Variants in TUSC3 observed in about 807,000 individuals in gnomAD.
The protein encoded by TUSC3 is tumor suppressor candidate 3.
Under a neutral mutation model 44.8 loss-of-function variants are expected in TUSC3, and 45 were observed. The ratio of observed to expected loss-of-function variants is 1.00; its 90% CI spans 0.79 to 1.29. TUSC3 has a LOEUF of 1.29. TUSC3 is among the 50% of genes most tolerant of loss of function. The probability of loss-of-function intolerance (pLI) is 0.00; values close to 1 mark genes in which losing one functional copy is unlikely to be tolerated. For missense variants in TUSC3, 519 were observed against 437.9 expected (o/e 1.19, Z -1.65); for synonymous variants, 212 against 152.9 (o/e 1.39, Z -2.85).
chr8:15,834,987 C>A, the TUSC3 span, among the ~76,000 whole-genome samples: 11 of 152,200 alleles, frequency 7.2e-5, no homozygotes, highest in Non-Finnish European at 1.6e-4. Context: ...GTCATGTAAC[C>A]AATCCCCCAA....
chr8:15,433,686 G>T (rs1230667575), intron 1 of TUSC3, among the ~76,000 whole-genome samples: 4 of 152,052 alleles, frequency 2.6e-5, no homozygotes, highest in Non-Finnish European at 5.9e-5. Flanking sequence ...TTAACTAAAT[G>T]GAGCCATACA....
chr8:15,793,032 C>G, the TUSC3 span, among the ~76,000 whole-genome samples: 4 of 152,094 alleles, frequency 2.6e-5, no homozygotes, highest in African/African-American at 7.2e-5. Context: ...AGATGTTTCT[C>G]TTCTCCCAAC....
chr8:15,618,551 A>G (rs901425221), intron 1 of TUSC3, among the ~76,000 whole-genome samples: 14 of 152,148 alleles, frequency 9.2e-5, no homozygotes, highest in Admixed American at 8.5e-4. Context: ...TTCAGGTGCA[A>G]TAACAGTTAT....
chr8:15,462,859 G>C (rs1462128667), intron 1 of TUSC3, among the ~76,000 whole-genome samples: 1 of 152,032 alleles, frequency 6.6e-6, no homozygotes, highest in Non-Finnish European at 1.5e-5. Context: ...CCCTTGGCCA[G>C]AGAAGCCAAG....
chr8:15,610,315 A>T (rs778912244), intron 1 of TUSC3, among the ~76,000 whole-genome samples: 4 of 152,150 alleles, frequency 2.6e-5, no homozygotes, highest in Non-Finnish European at 4.4e-5. Context: ...GATAAAATTA[A>T]GGTATAGCAA....
At chr8:15,425,441 G>A (rs771685220) in intron 1 of TUSC3, among the ~76,000 whole-genome samples, 8 of 152,186 alleles carry the variant, frequency 5.3e-5, no homozygotes, top group Non-Finnish European at 5.9e-5. Flanking sequence ...ATTAAGGGAA[G>A]ACTTCTGGAC....
intron 2 of TUSC3, among the ~76,000 whole-genome samples, chr8:15,509,416 C>G (rs1801102652): frequency 6.6e-6 from 1 of 152,138 alleles, no homozygotes; most frequent in Non-Finnish European, 1.5e-5. Flanking sequence ...CGAAACCAGC[C>G]TGGCCAACAT....
chr8:15,454,085 C>T (rs914775651), intron 1 of TUSC3, among the ~76,000 whole-genome samples: 1 of 152,154 alleles, frequency 6.6e-6, no homozygotes. Flanking sequence ...ATGCTCCCCT[C>T]CCAAGTGCTG....
chr8:15,788,421 C>G, the TUSC3 span, among the ~76,000 whole-genome samples: 2 of 151,964 alleles, frequency 1.3e-5, no homozygotes, highest in African/African-American at 4.8e-5. Context: ...GTGGCAGGCA[C>G]CTGTGATCGC....
chr8:15,740,961 T>G (rs953442375), intron 7 of TUSC3, among the ~76,000 whole-genome samples: 13 of 152,192 alleles, frequency 8.5e-5, no homozygotes, highest in African/African-American at 3.1e-4. Flanking sequence ...TTGTTTGAAT[T>G]TAAGCAATTC....
At chr8:15,426,337 A>G (rs73189456) in intron 1 of TUSC3, among the ~76,000 whole-genome samples, 19,300 of 152,248 alleles carry the variant, frequency 0.13, 1,295 homozygotes, top group Middle Eastern at 0.21. Context: ...TACGTTAGAC[A>G]GCTGATTTCT....
At chr8:15,555,738 A>C (rs1165890433) in intron 1 of TUSC3, among the ~76,000 whole-genome samples, 1 of 151,676 alleles carries the variant, frequency 6.6e-6, no homozygotes, top group Non-Finnish European at 1.5e-5. Flanking sequence ...GGAATATTGC[A>C]TGTATCTAAA....
At chr8:15,682,266 C>T (rs1205101181) in intron 6 of TUSC3, among the ~76,000 whole-genome samples, 2 of 152,216 alleles carry the variant, frequency 1.3e-5, no homozygotes, top group East Asian at 1.9e-4. Flanking sequence ...CTCGACATTC[C>T]CCACTATTAT....
intron 1 of TUSC3, among the ~76,000 whole-genome samples, chr8:15,565,767 G>C (rs1487646311): frequency 6.6e-6 from 1 of 152,064 alleles, no homozygotes; most frequent in Non-Finnish European, 1.5e-5. Flanking sequence ...ACTAGGTTGA[G>C]AATGTAAAGA....
intron 5 of TUSC3, among the ~76,000 whole-genome samples, chr8:15,664,673 A>G (rs1005457292): frequency 6.7e-6 from 1 of 148,770 alleles, no homozygotes; most frequent in East Asian, 1.9e-4. Context: ...TGTTAAATTC[A>G]ACAACGTTTG....
At chr8:15,795,614 T>TAA in the TUSC3 span, among the ~76,000 whole-genome samples, 1 of 151,852 alleles carries the variant, frequency 6.6e-6, no homozygotes, top group Non-Finnish European at 1.5e-5. Context: ...AAGAAGAGAG[T>TAA]AAAAAATGCG....
In TUSC3 at chr8:15,747,016, A is replaced by C. The variant is rs140311769; in HGVS notation, c.938-1359A>C. Among the ~76,000 whole-genome samples, 3 of 152,174 alleles carry C rather than the reference A, an allele frequency of 2.0e-5. No individual in the cohort carries two copies. In the East Asian group the frequency reaches 5.8e-4, roughly 29 times the overall value. The stretch of plus-strand genomic sequence containing the variant: ...AGCTGCATGAGTGTTGTCTGAAATG[A>C]AATGTCAGAGGCTACACTTGGATGC... On this transcript the variant is annotated intron_variant, in intron 8 of 10. Coordinates refer to ENST00000503731, the MANE Select transcript of TUSC3 (RefSeq NM_006765.4).
chr8:15,775,748 C>CTATATATATA, the TUSC3 span, among the ~76,000 whole-genome samples: 18 of 138,888 alleles, frequency 1.3e-4, no homozygotes, highest in African/African-American at 4.2e-4. Flanking sequence ...ATATATTACA[C>CTATATATATA]TATATATATA....
chr8:15,765,781 C>T lies in TUSC3; in HGVS notation c.*1625C>T, dbSNP rs896367069. ...GATGAACTTAATCATTTGATCACTGCCTATCACTAGGCAGAACTTGACCTG... is the reference window on the plus strand; with the variant it reads ...GATGAACTTAATCATTTGATCACTGTCTATCACTAGGCAGAACTTGACCTG... On this transcript the variant is annotated 3_prime_UTR_variant, in exon 11 of 11. Transcript: ENST00000503731. 2 of 151,970 alleles carry T rather than the reference C, an allele frequency of 1.3e-5. No individual in the cohort carries two copies. The highest frequency in any genetic ancestry group is 2.9e-5 in the Non-Finnish European group (2 of 67,948). 9.4% of individuals were successfully genotyped at this position (151,970 alleles called of 1,614,324 possible).
Sources: allele counts gnomAD v4.1 joint callset (sites outside exome capture counted in the v4.1 genomes callset), GRCh38; gene constraint gnomAD v4.1.1; transcripts MANE v1.5; gene names NCBI Gene and HGNC (gene_info 2026-07-23, HGNC 2026-07-21).